CDH13: variants seen among roughly 807,000 people sequenced by gnomAD.
CDH13 encodes the protein cadherin-13.
CDH13 carries 24 observed loss-of-function variants against 63.8 expected under a neutral mutation model. The ratio of observed to expected loss-of-function variants is 0.38; its 90% CI spans 0.27 to 0.53. The LOEUF (loss-of-function observed/expected upper bound fraction) is 0.53, where lower values mean the gene tolerates loss of function less well. Ranked by LOEUF, CDH13 falls within the 20% of genes least tolerant of loss-of-function variation. The probability of loss-of-function intolerance (pLI) is 0.85; values close to 1 mark genes in which losing one functional copy is unlikely to be tolerated. For missense variants in CDH13, 1,049 were observed against 903.1 expected, an observed-to-expected ratio of 1.16 and a Z score of -2.07; for synonymous variants, 503 against 355.3, an observed-to-expected ratio of 1.42 and a Z score of -4.67.
At chr16:83,201,683 G>A (rs563087960) in intron 4 of CDH13, among the ~76,000 whole-genome samples, 1 of 151,870 alleles carries the variant, frequency 6.6e-6, no homozygotes, top group Admixed American at 6.6e-5. Flanking sequence ...AGGTCACGAG[G>A]TCAGGAGATC....
intron 1 of CDH13, among the ~76,000 whole-genome samples, chr16:82,821,990 A>G (rs961672686): frequency 6.6e-5 from 10 of 152,210 alleles, no homozygotes; most frequent in Non-Finnish European, 1.5e-4. Flanking sequence ...CCATAGAACC[A>G]AAAGGGTCTT....
chr16:83,477,141 C>T (rs576835201), intron 6 of CDH13, among the ~76,000 whole-genome samples: 1 of 152,344 alleles, frequency 6.6e-6, no homozygotes, highest in East Asian at 1.9e-4. Context: ...GGAGGCTGAA[C>T]TGCAGCGAAT....
intron 1 of CDH13, among the ~76,000 whole-genome samples, chr16:82,801,943 G>T (rs141897814): frequency 2.3e-4 from 35 of 152,300 alleles, no homozygotes; most frequent in African/African-American, 8.2e-4. Flanking sequence ...CTACAGTAAG[G>T]AGTGCGGATG....
At chr16:83,324,973 C>G (rs1015338298) in intron 5 of CDH13, among the ~76,000 whole-genome samples, 2 of 152,204 alleles carry the variant, frequency 1.3e-5, no homozygotes, top group African/African-American at 2.4e-5. Flanking sequence ...TGTCACTCTA[C>G]TTGGTCCCCC....
chr16:83,054,512 G>A (rs534664690), intron 3 of CDH13, among the ~76,000 whole-genome samples: 1 of 152,260 alleles, frequency 6.6e-6, no homozygotes, highest in African/African-American at 2.4e-5. Context: ...CATGATTCAT[G>A]TCCAGAACAG....
At chr16:83,231,904 C>T (rs896309125) in intron 5 of CDH13, among the ~76,000 whole-genome samples, 1 of 152,128 alleles carries the variant, frequency 6.6e-6, no homozygotes, top group African/African-American at 2.4e-5. Context: ...CCCTTGGCGA[C>T]CGAGTTCTTG....
At chr16:83,231,341 A>T (rs2039993695) in intron 5 of CDH13, among the ~76,000 whole-genome samples, 1 of 152,206 alleles carries the variant, frequency 6.6e-6, no homozygotes. Flanking sequence ...TGCTAGGTTC[A>T]GGGCTCTCCG....
At chr16:83,446,843 T>A (rs761413910) in intron 6 of CDH13, among the ~76,000 whole-genome samples, 2 of 152,032 alleles carry the variant, frequency 1.3e-5, no homozygotes, top group African/African-American at 2.4e-5. Context: ...AAGCTTATCC[T>A]TTTGGGGGGC....
At chr16:82,715,272 C>T (rs2032280416) in intron 1 of CDH13, among the ~76,000 whole-genome samples, 1 of 151,964 alleles carries the variant, frequency 6.6e-6, no homozygotes, top group Admixed American at 6.5e-5. Context: ...GACTTGCAGG[C>T]TGAAAATCAA....
rs187950129 is a variant in CDH13, at chr16:82,695,960, C to G, written c.45+68823C>G. Among the ~76,000 whole-genome samples, 9 of 152,320 alleles carry G rather than the reference C, an allele frequency of 5.9e-5. No homozygotes were observed. In the East Asian group the frequency reaches 1.7e-3, roughly 29 times the overall value. ...CTAGCCTGCCAAATGTATTCCTTAT[C>G]TACACACATTTATCAATTTTTCCAC... On this transcript the variant is annotated intron_variant, in intron 1 of 13. Transcript: ENST00000567109.
At chr16:82,858,337 A>G in intron 1 of CDH13, 25 bp from the exon 2 acceptor site, 1 of 1,520,544 alleles carries the variant, frequency 6.6e-7, no homozygotes, top group African/African-American at 1.4e-5. Flanking sequence ...CGCTATTAAA[A>G]TATTGATGGC....
chr16:82,733,566 G>T (rs1253686580), intron 1 of CDH13, among the ~76,000 whole-genome samples: 1 of 152,178 alleles, frequency 6.6e-6, no homozygotes, highest in East Asian at 1.9e-4. Context: ...TCATCATCTT[G>T]ATCCTATGAG....
intron 8 of CDH13, among the ~76,000 whole-genome samples, chr16:83,613,130 A>G (rs1908997555): frequency 6.6e-6 from 1 of 152,188 alleles, no homozygotes; most frequent in South Asian, 2.1e-4. Flanking sequence ...GTCTTCTGAC[A>G]TCTATCATGT....
In CDH13 at chr16:83,742,356, G is replaced by A. The variant is rs375735191; in HGVS notation, c.1539-5752G>A. On this transcript the variant is annotated intron_variant, in intron 10 of 13. Transcript: ENST00000567109. ...AACACCGACACCCAGAAGAGGCCGA[G>A]GCTTGGCAAGCACTCAGAGCAGCTT... Among the ~76,000 whole-genome samples, 115 of 152,286 alleles carry A rather than the reference G, an allele frequency of 7.6e-4. 1 individual carries two copies. The highest frequency in any genetic ancestry group is 2.7e-3 in the African/African-American group (113 of 41,566).
intron 6 of CDH13, among the ~76,000 whole-genome samples, chr16:83,409,903 A>G (rs1450973304): frequency 6.6e-6 from 1 of 152,238 alleles, no homozygotes; most frequent in Non-Finnish European, 1.5e-5. Context: ...AGAAGAAGCC[A>G]TGTTTACATG....
At chr16:82,805,984 T>G (rs1389087092) in intron 1 of CDH13, among the ~76,000 whole-genome samples, 1 of 152,184 alleles carries the variant, frequency 6.6e-6, no homozygotes, top group Non-Finnish European at 1.5e-5. Context: ...CATAATCCCC[T>G]AGGTTTCTAT....
chr16:83,282,982 A>T (rs1235314563), intron 5 of CDH13, among the ~76,000 whole-genome samples: 1 of 152,212 alleles, frequency 6.6e-6, no homozygotes, highest in Non-Finnish European at 1.5e-5. Context: ...GTAAACTCCG[A>T]ATTAATTCTG....
intron 1 of CDH13, among the ~76,000 whole-genome samples, chr16:82,663,690 G>A (rs533908825): frequency 2.6e-5 from 4 of 152,216 alleles, no homozygotes; most frequent in African/African-American, 7.2e-5. Flanking sequence ...ATTAAGATCC[G>A]TATGCTTTTT....
intron 3 of CDH13, among the ~76,000 whole-genome samples, chr16:83,035,645 G>A (rs1456850540): frequency 6.6e-6 from 1 of 152,188 alleles, no homozygotes; most frequent in Non-Finnish European, 1.5e-5. Flanking sequence ...ACCCCTGCAT[G>A]AGCTGGACTT....
Sources: gnomAD v4.1 joint callset for allele counts (sites outside exome capture counted in the v4.1 genomes callset) on GRCh38, gnomAD v4.1.1 for gene constraint, MANE v1.5 for transcripts, NCBI Gene and HGNC (gene_info 2026-07-23, HGNC 2026-07-21) for gene names.